SUGCT: variants seen among roughly 807,000 people sequenced by gnomAD.
The protein encoded by SUGCT is succinyl-CoA:glutarate-CoA transferase, also known as succinyl-CoA:glutarate CoA-transferase.
A neutral mutation model predicts 55.0 loss-of-function variants in SUGCT; 41 were observed. The ratio of observed to expected loss-of-function variants is 0.74; its 90% CI spans 0.58 to 0.97. The LOEUF (loss-of-function observed/expected upper bound fraction) is 0.97. Among genes scored for constraint, SUGCT ranks in the 50% least tolerant of loss-of-function variants. The probability of loss-of-function intolerance (pLI) is 0.00; values close to 1 mark genes in which losing one functional copy is unlikely to be tolerated. For missense variants in SUGCT, 568 were observed against 547.8 expected, an observed-to-expected ratio of 1.04 and a Z score of -0.37; for synonymous variants, 187 against 200.4, an observed-to-expected ratio of 0.93 and a Z score of 0.56.
intron 13 of SUGCT, among the ~76,000 whole-genome samples, chr7:40,858,114 G>A (rs368835382): frequency 2.2e-4 from 33 of 152,222 alleles, no homozygotes; most frequent in Admixed American, 5.9e-4. Flanking sequence ...CGACAGGACC[G>A]TTGTGAGAAC....
the SUGCT span, among the ~76,000 whole-genome samples, chr7:40,957,377 C>T: frequency 6.6e-6 from 1 of 151,338 alleles, no homozygotes; most frequent in African/African-American, 2.4e-5. Context: ...TATGTAATGG[C>T]CTTCTTTGTC....
intron 9 of SUGCT, among the ~76,000 whole-genome samples, chr7:40,416,858 G>T (rs116775061): frequency 2.6e-3 from 390 of 152,002 alleles, no homozygotes; most frequent in Middle Eastern, 0.017. Context: ...TCAAAAGTTG[G>T]ATAATTCAGC....
intron 13 of SUGCT, among the ~76,000 whole-genome samples, chr7:40,767,225 C>G (rs777654770): frequency 6.6e-6 from 1 of 152,050 alleles, no homozygotes; most frequent in African/African-American, 2.4e-5. Flanking sequence ...ACATAGGTGG[C>G]GTCTTCATAG....
chr7:40,612,252 ATCT>A (rs1798802519), intron 12 of SUGCT, among the ~76,000 whole-genome samples: 1 of 152,178 alleles, frequency 6.6e-6, no homozygotes, highest in Non-Finnish European at 1.5e-5. Context: ...AAATATGTTC[ATCT>A]ATGCAAAGTG....
At chr7:40,358,309 T>C (rs1797975410) in intron 9 of SUGCT, among the ~76,000 whole-genome samples, 2 of 152,350 alleles carry the variant, frequency 1.3e-5, no homozygotes, top group South Asian at 4.1e-4. Context: ...TAATAATAGC[T>C]GGAGAGCATA....
chr7:40,159,714 A>T (rs1400691550), intron 1 of SUGCT, among the ~76,000 whole-genome samples: 1 of 152,120 alleles, frequency 6.6e-6, no homozygotes, highest in Non-Finnish European at 1.5e-5. Flanking sequence ...TGGGACTGAG[A>T]GATAGGAAGG....
intron 6 of SUGCT, among the ~76,000 whole-genome samples, chr7:40,218,730 C>G (rs1375240887): frequency 6.6e-6 from 1 of 152,030 alleles, no homozygotes; most frequent in Non-Finnish European, 1.5e-5. Context: ...ATGCACCAAT[C>G]AGCACTCTGT....
rs373992972 is a variant in SUGCT at position 40,250,036 on chromosome 7, C to G, written c.576+12310C>G. On this transcript the variant is annotated intron_variant, in intron 7 of 13. Coordinates refer to ENST00000335693, the MANE Select transcript of SUGCT (RefSeq NM_001193313.2). ...TCCTGACCTCAGGTGATCAGCCTGC[C>G]TCGGCCTCCCAAAGTGCTGGGATTA... Among the ~76,000 whole-genome samples, 40 of 152,266 alleles carry G rather than the reference C, an allele frequency of 2.6e-4. 3 individuals are homozygous for G. In the East Asian group the frequency reaches 2.9e-3, roughly 11 times the overall value.
intron 12 of SUGCT, among the ~76,000 whole-genome samples, chr7:40,560,092 G>A (rs1431508958): frequency 6.6e-6 from 1 of 152,198 alleles, no homozygotes; most frequent in Non-Finnish European, 1.5e-5. Context: ...TAGTGGTTCT[G>A]TTCTTGAAGA....
intron 11 of SUGCT, among the ~76,000 whole-genome samples, chr7:40,491,992 A>AAAATAAAT (rs10669502): frequency 0.027 from 4,001 of 150,082 alleles, 139 homozygotes; most frequent in Admixed American, 0.069. Context: ...TCTGTTTCCA[A>AAAATAAAT]AAATAAATAA....
intron 8 of SUGCT, among the ~76,000 whole-genome samples, chr7:40,304,808 G>C (rs1287594893): frequency 7.3e-5 from 11 of 151,176 alleles, no homozygotes. Flanking sequence ...TTTTATGGCT[G>C]AGTAGTACAC....
intron 3 of SUGCT, among the ~76,000 whole-genome samples, chr7:40,186,090 T>TCTTCCTTCCTTCCTTCCCTCCTTCCTTC (rs1785487899): frequency 2.7e-5 from 4 of 146,976 alleles, no homozygotes; most frequent in African/African-American, 1.1e-4. Context: ...TCTCTCTTTT[T>TCTTCCTTCCTTCCTTCCCTCCTTCCTTC]CTTCCTTCCT....
intron 9 of SUGCT, among the ~76,000 whole-genome samples, chr7:40,447,922 A>C (rs1188004010): frequency 6.6e-6 from 1 of 152,148 alleles, no homozygotes; most frequent in Non-Finnish European, 1.5e-5. Context: ...AGGCCTTCTG[A>C]GGGTAAAATT....
At chr7:40,570,520 A>T (rs1796385825) in intron 12 of SUGCT, among the ~76,000 whole-genome samples, 1 of 152,202 alleles carries the variant, frequency 6.6e-6, no homozygotes, top group East Asian at 1.9e-4. Flanking sequence ...GAATGCAGTT[A>T]AATGTGGAGG....
chr7:40,549,140 A>G (rs980491603), intron 12 of SUGCT, among the ~76,000 whole-genome samples: 1 of 152,002 alleles, frequency 6.6e-6, no homozygotes, highest in Admixed American at 6.6e-5. Flanking sequence ...TTCCCACCCT[A>G]TTCTTTGGTT....
chr7:40,334,524 G>A (rs935685627), intron 9 of SUGCT, among the ~76,000 whole-genome samples: 4 of 152,156 alleles, frequency 2.6e-5, no homozygotes, highest in African/African-American at 9.7e-5. Flanking sequence ...ATTTTTTCAT[G>A]TGTCTATTGG....
At chr7:40,531,375 C>A (rs1304706382) in intron 12 of SUGCT, among the ~76,000 whole-genome samples, 1 of 152,064 alleles carries the variant, frequency 6.6e-6, no homozygotes, top group African/African-American at 2.4e-5. Context: ...GGTCTTCTGA[C>A]CCCAAATTCT....
In SUGCT at chr7:40,746,114, G is replaced by A. The variant is rs187831596; in HGVS notation, c.1090-3320G>A. 1.3e-4 allele frequency among the ~76,000 whole-genome samples: 20 copies of A among 152,266 alleles called. No homozygotes were observed. The East Asian group carries it at 3.5e-3, about 26-fold the overall frequency. ...AAATTTAATCATGTGGCAAAGTTAA[G>A]TGTCAAACATGAAAGGGAGTTGAAG... On this transcript the variant is annotated intron_variant, in intron 12 of 13. Coordinates refer to ENST00000335693, the MANE Select transcript of SUGCT (RefSeq NM_001193313.2).
At chr7:41,031,027 T>C in the SUGCT span, among the ~76,000 whole-genome samples, 1 of 152,148 alleles carries the variant, frequency 6.6e-6, no homozygotes, top group Admixed American at 6.5e-5. Context: ...AGTGACACGA[T>C]CTCAGCACAC....
Sources: gnomAD v4.1 joint callset for allele counts (sites outside exome capture counted in the v4.1 genomes callset) on GRCh38, gnomAD v4.1.1 for gene constraint, MANE v1.5 for transcripts, NCBI Gene and HGNC (gene_info 2026-07-23, HGNC 2026-07-21) for gene names.